LHFPL3: variants seen among roughly 807,000 people sequenced by gnomAD.
The protein encoded by LHFPL3 is LHFPL tetraspan subfamily member 3 protein.
LHFPL3 carries 5 observed loss-of-function variants against 19.3 expected under a neutral mutation model. That is an observed-to-expected ratio of 0.26 (90% CI 0.14 to 0.54). The LOEUF is 0.54. LHFPL3 is among the 20% of genes least tolerant of loss of function. The probability of loss-of-function intolerance (pLI) is 0.94; values close to 1 mark genes in which losing one functional copy is unlikely to be tolerated. For missense variants in LHFPL3, 249 were observed against 307.4 expected (o/e 0.81, Z 1.42); for synonymous variants, 133 against 126.2 (o/e 1.05, Z -0.36).
Position 104,635,473 on chromosome 7 carries a change from G to C in LHFPL3, c.446-101202G>C, listed in dbSNP as rs201447348. ...ATGTAAAGAAAAAATTTTTTTAAAA[G>C]TATTAAACTTGTCAACAGAAACATT... On this transcript the variant is annotated intron_variant, in intron 1 of 2. Coordinates refer to ENST00000424859, the MANE Select transcript of LHFPL3 (RefSeq NM_199000.3). 8.5e-5 allele frequency among the ~76,000 whole-genome samples: 13 copies of C among 152,180 alleles called. No individual in the cohort carries two copies. The East Asian group carries it at 1.7e-3, about 20-fold the overall frequency.
chr7:104,757,994 C>A (rs937042835), intron 2 of LHFPL3, among the ~76,000 whole-genome samples: 1 of 152,148 alleles, frequency 6.6e-6, no homozygotes, highest in African/African-American at 2.4e-5. Flanking sequence ...AAATGTGGTA[C>A]ATATACACCA....
intron 1 of LHFPL3, among the ~76,000 whole-genome samples, chr7:104,693,804 T>C (rs1244509389): frequency 6.6e-6 from 1 of 150,972 alleles, no homozygotes; most frequent in South Asian, 2.1e-4. Context: ...GTTTTTTTTT[T>C]GTATTTTTAG....
chr7:104,596,660 T>A (rs1425585415), intron 1 of LHFPL3, among the ~76,000 whole-genome samples: 1 of 152,228 alleles, frequency 6.6e-6, no homozygotes, highest in Non-Finnish European at 1.5e-5. Context: ...TCAATAAACG[T>A]CATACCTGCC....
In LHFPL3 at chr7:104,394,754, G is replaced by A. The variant is rs191993746; in HGVS notation, c.445+65530G>A. On this transcript the variant is annotated intron_variant, in intron 1 of 2. Transcript: ENST00000424859. ...CTTGCTCTGTTGTTCAGGCTTGAGT[G>A]CAGTAACACAATCTCAGCTGATTGC... is the stretch of plus-strand genomic sequence containing the variant. Among the ~76,000 whole-genome samples the A allele has an allele frequency of 3.1e-3, 464 of 151,510 alleles. 2 individuals carry two copies. Among genetic ancestry groups the A allele is most frequent in the South Asian group, 0.015 (73 of 4,786 alleles).
intron 2 of LHFPL3, among the ~76,000 whole-genome samples, chr7:104,861,833 G>A (rs936057277): frequency 2.0e-5 from 3 of 152,096 alleles, no homozygotes; most frequent in African/African-American, 4.8e-5. Context: ...TTTCTGTCAG[G>A]CAAGCTTTGG....
intron 1 of LHFPL3, among the ~76,000 whole-genome samples, chr7:104,432,128 G>A (rs1325076090): frequency 1.3e-5 from 2 of 152,176 alleles, no homozygotes; most frequent in Non-Finnish European, 2.9e-5. Context: ...CTCTCCCTCT[G>A]CTGTCTCTGG....
intron 2 of LHFPL3, among the ~76,000 whole-genome samples, chr7:104,753,359 T>G (rs1301860059): frequency 6.6e-6 from 1 of 152,198 alleles, no homozygotes; most frequent in Non-Finnish European, 1.5e-5. Flanking sequence ...CTTTAAAGCT[T>G]ATTTCACTCA....
intron 1 of LHFPL3, among the ~76,000 whole-genome samples, chr7:104,614,097 A>G (rs1429446279): frequency 6.6e-6 from 1 of 152,282 alleles, no homozygotes; most frequent in South Asian, 2.1e-4. Context: ...ACATTTCAAA[A>G]AGGCAGAGAA....
At chr7:104,374,620 C>T (rs1217777527) in intron 1 of LHFPL3, among the ~76,000 whole-genome samples, 1 of 152,126 alleles carries the variant, frequency 6.6e-6, no homozygotes, top group East Asian at 1.9e-4. Context: ...GAAATTAAGA[C>T]ACAGCACCAT....
At chr7:104,863,168 T>C (rs1391659843) in intron 2 of LHFPL3, among the ~76,000 whole-genome samples, 2 of 152,210 alleles carry the variant, frequency 1.3e-5, no homozygotes, top group Non-Finnish European at 2.9e-5. Context: ...CCAGATCTTA[T>C]TTTTTGTTGT....
intron 1 of LHFPL3, among the ~76,000 whole-genome samples, chr7:104,554,398 C>G (rs1399780904): frequency 6.6e-6 from 1 of 151,852 alleles, no homozygotes; most frequent in Non-Finnish European, 1.5e-5. Context: ...TTCCAGCCAA[C>G]AATCTGATTG....
chr7:104,813,447 C>T (rs1790512460), intron 2 of LHFPL3, among the ~76,000 whole-genome samples: 1 of 152,144 alleles, frequency 6.6e-6, no homozygotes, highest in Non-Finnish European at 1.5e-5. Context: ...GGTCGGAAAA[C>T]TCTGTGGCTA....
intron 1 of LHFPL3, among the ~76,000 whole-genome samples, chr7:104,447,271 T>G (rs990242900): frequency 6.6e-6 from 1 of 152,194 alleles, no homozygotes; most frequent in Non-Finnish European, 1.5e-5. Context: ...GCTTTTTCTC[T>G]GAAACTTCCA....
At chr7:104,661,240 C>T (rs922659120) in intron 1 of LHFPL3, among the ~76,000 whole-genome samples, 2 of 152,174 alleles carry the variant, frequency 1.3e-5, no homozygotes, top group East Asian at 1.9e-4. Context: ...ACAGAAACCT[C>T]GTTGATCTTC....
At chr7:104,552,163 T>C (rs989620455) in intron 1 of LHFPL3, among the ~76,000 whole-genome samples, 88 of 152,268 alleles carry the variant, frequency 5.8e-4, no homozygotes, top group African/African-American at 2.1e-3. Flanking sequence ...GCCACTGGGC[T>C]TAAAGGAGTC....
At chr7:104,519,836 T>A (rs42273) in intron 1 of LHFPL3, among the ~76,000 whole-genome samples, 99,543 of 151,828 alleles carry the variant, frequency 0.66, 34,069 homozygotes, top group African/African-American at 0.86. Context: ...ATATTGGGGG[T>A]TGGTCAGGAA....
intron 1 of LHFPL3, among the ~76,000 whole-genome samples, chr7:104,678,581 C>T (rs1584476429): frequency 6.6e-6 from 1 of 152,104 alleles, no homozygotes. Flanking sequence ...TAAGAAAAGA[C>T]ACAATTCTTA....
chr7:104,696,003 T>C (rs1792989667), intron 1 of LHFPL3, among the ~76,000 whole-genome samples: 2 of 152,188 alleles, frequency 1.3e-5, no homozygotes, highest in South Asian at 4.1e-4. Flanking sequence ...CAGACTGGAG[T>C]GCAGTGGCAC....
chr7:104,452,005 C>T (rs1381675254), intron 1 of LHFPL3, among the ~76,000 whole-genome samples: 1 of 152,064 alleles, frequency 6.6e-6, no homozygotes. Context: ...CTTGGACTCC[C>T]AAAGTGCTGA....
Sources: allele counts gnomAD v4.1 joint callset (sites outside exome capture counted in the v4.1 genomes callset), GRCh38; gene constraint gnomAD v4.1.1; transcripts MANE v1.5; gene names NCBI Gene and HGNC (gene_info 2026-07-23, HGNC 2026-07-21).